The following RBFOX1 variants were observed in gnomAD, a reference collection of about 807,000 sequenced individuals.
RBFOX1 encodes RNA binding protein fox-1 homolog 1.
A neutral mutation model predicts 57.7 loss-of-function variants in RBFOX1; 8 were observed. The observed-to-expected ratio is 0.14, with a 90% CI of 0.08 to 0.25. The LOEUF (loss-of-function observed/expected upper bound fraction) is 0.25. RBFOX1 is among the 10% of genes least tolerant of loss of function. The pLI is 1.00. For missense variants in RBFOX1, 611 were observed against 548.5 expected, an observed-to-expected ratio of 1.11 and a Z score of -1.14; for synonymous variants, 326 against 222.4, an observed-to-expected ratio of 1.47 and a Z score of -4.15.
chr16:5,419,741 G>A (rs1447215761), intron 1 of RBFOX1, among the ~76,000 whole-genome samples: 1 of 151,994 alleles, frequency 6.6e-6, no homozygotes, highest in Non-Finnish European at 1.5e-5. Context: ...GACCTGAAAG[G>A]CAGAGGGCTT....
intron 3 of RBFOX1, among the ~76,000 whole-genome samples, chr16:5,848,003 C>A (rs2056800384): frequency 6.6e-6 from 1 of 152,000 alleles, no homozygotes; most frequent in Non-Finnish European, 1.5e-5. Flanking sequence ...GTAAACACCC[C>A]CAGTAGTGAT....
At chr16:7,180,673 C>G (rs900939339) in intron 4 of RBFOX1, among the ~76,000 whole-genome samples, 1 of 150,556 alleles carries the variant, frequency 6.6e-6, no homozygotes, top group East Asian at 2.0e-4. Context: ...TTAGCTTCCT[C>G]TGCACTCCCC....
chr16:6,961,797 T>C (rs1204148580), intron 3 of RBFOX1, among the ~76,000 whole-genome samples: 3 of 152,160 alleles, frequency 2.0e-5, no homozygotes, highest in African/African-American at 7.2e-5. Context: ...TTTAGCATGC[T>C]AATGCGTTAT....
At chr16:5,612,520 C>G (rs1186983599) in intron 3 of RBFOX1, among the ~76,000 whole-genome samples, 5 of 152,192 alleles carry the variant, frequency 3.3e-5, no homozygotes, top group Admixed American at 2.6e-4. Flanking sequence ...AAGTGCTTCA[C>G]AAGGTAGATA....
intron 2 of RBFOX1, among the ~76,000 whole-genome samples, chr16:6,580,654 A>G (rs573767355): frequency 4.6e-5 from 7 of 152,300 alleles, no homozygotes; most frequent in South Asian, 2.1e-4. Flanking sequence ...TGTGGGGTAT[A>G]CACAGTAAAC....
chr16:7,623,477 A>G (rs956922466), intron 10 of RBFOX1, among the ~76,000 whole-genome samples: 1 of 152,160 alleles, frequency 6.6e-6, no homozygotes, highest in Non-Finnish European at 1.5e-5. Flanking sequence ...ACACACAACC[A>G]AGATCCCTAG....
At chr16:6,529,153 C>G (rs527694028) in intron 2 of RBFOX1, among the ~76,000 whole-genome samples, 47 of 152,266 alleles carry the variant, frequency 3.1e-4, no homozygotes, top group African/African-American at 1.0e-3. Context: ...GTTACCCAAT[C>G]TATATAACTT....
At chr16:6,219,282 A>C (rs2097356195) in intron 1 of RBFOX1, among the ~76,000 whole-genome samples, 1 of 152,080 alleles carries the variant, frequency 6.6e-6, no homozygotes, top group Admixed American at 6.6e-5. Context: ...CAGCCTGGGC[A>C]ACACTGGGAG....
chr16:7,014,998 A>G (rs1464615646), intron 3 of RBFOX1, among the ~76,000 whole-genome samples: 6 of 152,210 alleles, frequency 3.9e-5, no homozygotes, highest in Non-Finnish European at 8.8e-5. Flanking sequence ...GGCTGGAATT[A>G]CAGGTGTGAG....
At chr16:6,122,432 G>A (rs1317519307) in intron 1 of RBFOX1, among the ~76,000 whole-genome samples, 1 of 151,500 alleles carries the variant, frequency 6.6e-6, no homozygotes, top group Non-Finnish European at 1.5e-5. Context: ...GGGAATTCTT[G>A]AATGAACAAA....
At chr16:7,564,334 T>A (rs993159971) in intron 5 of RBFOX1, among the ~76,000 whole-genome samples, 1 of 150,322 alleles carries the variant, frequency 6.7e-6, no homozygotes, top group African/African-American at 2.5e-5. Flanking sequence ...GGTCAGGAGT[T>A]CAAGACCAGA....
At chr16:6,009,124 C>G (rs1486279397) in intron 4 of RBFOX1, among the ~76,000 whole-genome samples, 1 of 147,096 alleles carries the variant, frequency 6.8e-6, no homozygotes, top group Non-Finnish European at 1.5e-5. Context: ...TCTTCTCCAT[C>G]TTGTCCATTG....
At chr16:5,873,779 G>T (rs749795520) in intron 4 of RBFOX1, among the ~76,000 whole-genome samples, 1 of 152,160 alleles carries the variant, frequency 6.6e-6, no homozygotes, top group African/African-American at 2.4e-5. Context: ...CTGGATCTCG[G>T]TTAAAACATA....
intron 3 of RBFOX1, among the ~76,000 whole-genome samples, chr16:6,822,174 G>A (rs897398509): frequency 6.6e-6 from 1 of 152,196 alleles, no homozygotes; most frequent in Non-Finnish European, 1.5e-5. Context: ...TCGAGGCATT[G>A]TAAGAGGGGA....
chr16:7,168,901 C>T (rs531930487), intron 4 of RBFOX1, among the ~76,000 whole-genome samples: 1 of 151,852 alleles, frequency 6.6e-6, no homozygotes, highest in Non-Finnish European at 1.5e-5. Context: ...GTCTTAACTC[C>T]ATTTCTTAAT....
At chr16:7,025,692 C>A (rs1440996847) in intron 3 of RBFOX1, among the ~76,000 whole-genome samples, 1 of 151,832 alleles carries the variant, frequency 6.6e-6, no homozygotes, top group African/African-American at 2.4e-5. Context: ...CTGGCCTGGC[C>A]TCTGGAGCCT....
chr16:7,604,983 T>C (rs541016593), intron 9 of RBFOX1, among the ~76,000 whole-genome samples: 1 of 152,310 alleles, frequency 6.6e-6, no homozygotes, highest in African/African-American at 2.4e-5. Flanking sequence ...GATCACTTAA[T>C]AATTATTCAT....
chr16:5,598,678 A>G (rs971492928), intron 2 of RBFOX1, among the ~76,000 whole-genome samples: 5 of 152,202 alleles, frequency 3.3e-5, no homozygotes, highest in Non-Finnish European at 5.9e-5. Context: ...GCCCATTTCA[A>G]TGAGACTAGC....
At chr16:6,937,252 G>T (rs114419401) in intron 3 of RBFOX1, among the ~76,000 whole-genome samples, 2,726 of 152,128 alleles carry the variant, frequency 0.018, 83 homozygotes, top group African/African-American at 0.063. Context: ...CAGATACCCA[G>T]ATTCAACAAT....
Sources: gnomAD v4.1 joint callset for allele counts (sites outside exome capture counted in the v4.1 genomes callset) on GRCh38, gnomAD v4.1.1 for gene constraint, MANE v1.5 for transcripts, NCBI Gene and HGNC (gene_info 2026-07-23, HGNC 2026-07-21) for gene names.